Variants in SMYD3 observed in about 807,000 individuals in gnomAD.
SMYD3 encodes histone-lysine N-methyltransferase SMYD3.
In SMYD3, 36 loss-of-function variants were observed where a neutral mutation model predicts 57.7. The ratio of observed to expected loss-of-function variants is 0.62; its 90% CI spans 0.48 to 0.82. SMYD3 has a LOEUF of 0.82. Among genes scored for constraint, SMYD3 ranks in the 40% least tolerant of loss-of-function variants. SMYD3 has a pLI of 0.00. For synonymous variants in SMYD3, 211 were observed against 195.0 expected (o/e 1.08, Z -0.68); for missense variants, 515 against 538.8 (o/e 0.96, Z 0.44).
At chr1:246,300,382 T>C (rs571957163) in intron 5 of SMYD3, among the ~76,000 whole-genome samples, 1 of 152,300 alleles carries the variant, frequency 6.6e-6, no homozygotes, top group Admixed American at 6.5e-5. Flanking sequence ...GTATTAAAGG[T>C]AATGTGATGG....
chr1:246,253,020 T>C (rs1326309560), intron 5 of SMYD3, among the ~76,000 whole-genome samples: 5 of 152,198 alleles, frequency 3.3e-5, no homozygotes, highest in African/African-American at 1.2e-4. Flanking sequence ...GATATGTTAT[T>C]TGACATTTCA....
At chr1:246,212,782 A>G (rs1218592149) in intron 5 of SMYD3, among the ~76,000 whole-genome samples, 2 of 152,160 alleles carry the variant, frequency 1.3e-5, no homozygotes, top group Non-Finnish European at 2.9e-5. Context: ...TTTGGTTAAT[A>G]TTTTCCACAG....
rs1028390283 is a variant in SMYD3, at chr1:246,292,437, C to G, written c.531+34764G>C. Among the ~76,000 whole-genome samples the G allele has an allele frequency of 4.6e-5, 7 of 152,218 alleles. No homozygotes were observed. In the East Asian group the frequency reaches 9.6e-4, roughly 21 times the overall value. ...CTATCCAACACACCAGTACCTTAGA[C>G]TTACTATCCAACACACCAGCATCTT... On this transcript the variant is annotated intron_variant, in intron 5 of 11. Coordinates refer to ENST00000490107, the MANE Select transcript of SMYD3 (RefSeq NM_001167740.2).
At chr1:246,448,704 T>A (rs10924733) in intron 1 of SMYD3, among the ~76,000 whole-genome samples, 947 of 81,386 alleles carry the variant, frequency 0.012, 18 homozygotes, top group African/African-American at 0.037. Flanking sequence ...CTCTTTTTTT[T>A]AAAAAAAAAA....
intron 10 of SMYD3, among the ~76,000 whole-genome samples, chr1:245,849,235 C>T (rs762038592): frequency 6.6e-6 from 1 of 152,190 alleles, no homozygotes; most frequent in Non-Finnish European, 1.5e-5. Context: ...CATGCTGTTA[C>T]AGGAAATCCA....
chr1:245,820,797 T>C (rs1190675128), intron 10 of SMYD3, among the ~76,000 whole-genome samples: 5 of 150,638 alleles, frequency 3.3e-5, no homozygotes, highest in Non-Finnish European at 7.4e-5. Context: ...CATTCACAAT[T>C]GCTTCAAAGA....
intron 1 of SMYD3, among the ~76,000 whole-genome samples, chr1:246,356,404 G>A (rs1054568813): frequency 1.3e-5 from 2 of 152,066 alleles, no homozygotes; most frequent in South Asian, 4.2e-4. Context: ...CCCCCCAAAA[G>A]ATCACACCGG....
intron 5 of SMYD3, among the ~76,000 whole-genome samples, chr1:246,077,660 G>T (rs2060571188): frequency 6.6e-6 from 1 of 151,642 alleles, no homozygotes; most frequent in Non-Finnish European, 1.5e-5. Flanking sequence ...TTTTAATGTG[G>T]CAAAAATTAA....
intron 5 of SMYD3, chr1:245,955,934 T>C: frequency 1.0e-6 from 1 of 984,386 alleles, no homozygotes; most frequent in South Asian, 4.7e-5. Flanking sequence ...TGATGCATGT[T>C]GCTATAGTTT....
intron 5 of SMYD3, among the ~76,000 whole-genome samples, chr1:246,291,834 A>G (rs747599037): frequency 6.6e-6 from 1 of 152,220 alleles, no homozygotes. Flanking sequence ...GGTAGGTAGT[A>G]AAGGAGCCAT....
intron 5 of SMYD3, among the ~76,000 whole-genome samples, chr1:246,229,865 AGCG>A (rs761307428): frequency 0.03 from 4,583 of 152,288 alleles, 88 homozygotes; most frequent in African/African-American, 0.037. Flanking sequence ...GTGCCTTTCA[AGCG>A]TTTTGAGGTA....
intron 5 of SMYD3, among the ~76,000 whole-genome samples, chr1:246,013,754 G>A (rs1183050849): frequency 3.9e-5 from 6 of 152,030 alleles, no homozygotes; most frequent in African/African-American, 7.2e-5. Flanking sequence ...GCACATATAC[G>A]GAGAATTACA....
At chr1:245,905,419 G>A (rs904653991) in intron 8 of SMYD3, among the ~76,000 whole-genome samples, 1 of 152,198 alleles carries the variant, frequency 6.6e-6, no homozygotes, top group South Asian at 2.1e-4. Flanking sequence ...TGGGCCTTAA[G>A]GGAATGTTGG....
chr1:246,365,325 A>G (rs2066079958), intron 1 of SMYD3, among the ~76,000 whole-genome samples: 1 of 147,500 alleles, frequency 6.8e-6, no homozygotes, highest in East Asian at 2.0e-4. Context: ...CATTTCTACA[A>G]AAAAAAAAAA....
At chr1:245,920,051 C>T (rs745838287) in intron 7 of SMYD3, among the ~76,000 whole-genome samples, 17 of 152,082 alleles carry the variant, frequency 1.1e-4, no homozygotes, top group South Asian at 4.2e-4. Context: ...CGGTGGCTCA[C>T]GCCTGTAATC....
Position 246,156,054 on chromosome 1 carries a change from G to T in SMYD3, c.531+171147C>A, listed in dbSNP as rs182875612. On this transcript the variant is annotated intron_variant, in intron 5 of 11. Transcript: ENST00000490107. ...CTTGAGCTACAGAGTTCGAAGGACA[G>T]AATTTTTTTTTTTCAATTAATGTTA... is the stretch of plus-strand genomic sequence containing the variant. 1.5e-3 allele frequency among the ~76,000 whole-genome samples: 222 copies of T among 151,900 alleles called. 1 individual carries two copies. Among genetic ancestry groups the T allele is most frequent in the African/African-American group, 5.0e-3 (208 of 41,440 alleles).
intron 1 of SMYD3, among the ~76,000 whole-genome samples, chr1:246,362,839 T>C (rs2066019660): frequency 6.6e-6 from 1 of 152,142 alleles, no homozygotes; most frequent in Admixed American, 6.5e-5. Context: ...CCGCCTGCCT[T>C]GGCCTCCCAA....
intron 1 of SMYD3, among the ~76,000 whole-genome samples, chr1:246,383,544 C>A (rs751713022): frequency 3.9e-5 from 6 of 152,210 alleles, no homozygotes; most frequent in African/African-American, 1.2e-4. Flanking sequence ...GAATTACAGA[C>A]AATTATTTTG....
At chr1:246,433,386 C>T (rs917138420) in intron 1 of SMYD3, among the ~76,000 whole-genome samples, 8 of 152,182 alleles carry the variant, frequency 5.3e-5, no homozygotes, top group African/African-American at 1.2e-4. Context: ...TGGCCACACT[C>T]GCGGTGGCTC....
Sources: allele counts gnomAD v4.1 joint callset (sites outside exome capture counted in the v4.1 genomes callset), GRCh38; gene constraint gnomAD v4.1.1; transcripts MANE v1.5; gene names NCBI Gene and HGNC (gene_info 2026-07-23, HGNC 2026-07-21).